LRMDA: variants seen among roughly 807,000 people sequenced by gnomAD.
LRMDA encodes leucine rich melanocyte differentiation associated.
LRMDA carries 18 observed loss-of-function variants against 29.8 expected under a neutral mutation model. The observed-to-expected ratio is 0.60, with a 90% CI of 0.42 to 0.90. LRMDA has a LOEUF of 0.90. Ranked by LOEUF, LRMDA falls within the 40% of genes least tolerant of loss-of-function variation. LRMDA has a pLI of 0.00. For synonymous variants in LRMDA, 125 were observed against 109.4 expected (o/e 1.14, Z -0.89); for missense variants, 273 against 273.9 (o/e 1.00, Z 0.02).
At chr10:75,618,793 T>G (rs1201916127) in intron 2 of LRMDA, among the ~76,000 whole-genome samples, 2 of 112,428 alleles carry the variant, frequency 1.8e-5, no homozygotes, top group Admixed American at 9.0e-5. Context: ...TTTTTTTTTT[T>G]GAGATGGAAT....
chr10:75,791,937 G>T (rs1209312944), intron 2 of LRMDA, among the ~76,000 whole-genome samples: 1 of 142,400 alleles, frequency 7.0e-6, no homozygotes, highest in Non-Finnish European at 1.5e-5. Context: ...TCGGCTCACT[G>T]CAAGCTCTGC....
At chr10:75,832,276 T>C (rs1844359087) in intron 2 of LRMDA, among the ~76,000 whole-genome samples, 1 of 152,136 alleles carries the variant, frequency 6.6e-6, no homozygotes, top group Admixed American at 6.5e-5. Flanking sequence ...CCCTAAATAA[T>C]CTCTCTCAAG....
intron 5 of LRMDA, among the ~76,000 whole-genome samples, chr10:76,279,223 C>T (rs1264716086): frequency 1.3e-5 from 2 of 152,130 alleles, no homozygotes; most frequent in Non-Finnish European, 2.9e-5. Flanking sequence ...AGCTGTATGA[C>T]CTTGGACAAG....
At chr10:76,098,365 C>A (rs1223764940) in intron 5 of LRMDA, among the ~76,000 whole-genome samples, 1 of 152,112 alleles carries the variant, frequency 6.6e-6, no homozygotes, top group East Asian at 1.9e-4. Context: ...AATACAATTT[C>A]TTTAATTGGC....
At chr10:75,507,859 C>T (rs940150464) in intron 2 of LRMDA, among the ~76,000 whole-genome samples, 5 of 152,070 alleles carry the variant, frequency 3.3e-5, no homozygotes, top group Admixed American at 2.6e-4. Flanking sequence ...CTTTAATTAG[C>T]GGTGAATTTC....
intron 5 of LRMDA, among the ~76,000 whole-genome samples, chr10:76,217,157 T>C (rs1851743122): frequency 6.6e-6 from 1 of 152,176 alleles, no homozygotes; most frequent in Admixed American, 6.5e-5. Context: ...TATGTGAATG[T>C]GTATGTATCG....
At chr10:76,451,783 G>A (rs370165193) in intron 6 of LRMDA, among the ~76,000 whole-genome samples, 6 of 151,324 alleles carry the variant, frequency 4.0e-5, no homozygotes, top group South Asian at 2.1e-4. Context: ...TCAGCCTCCC[G>A]AGTAGCTGGG....
intron 3 of LRMDA, among the ~76,000 whole-genome samples, chr10:76,039,124 G>A (rs1459051047): frequency 2.6e-5 from 4 of 152,208 alleles, no homozygotes; most frequent in Non-Finnish European, 5.9e-5. Context: ...TATATCATGT[G>A]TTAATGTCCC....
At chr10:75,560,421 AGGAGATTTTG>A (rs1277542991) in intron 2 of LRMDA, among the ~76,000 whole-genome samples, 5 of 149,770 alleles carry the variant, frequency 3.3e-5, no homozygotes, top group African/African-American at 1.2e-4. Flanking sequence ...TATCAGCTTA[AGGAGATTTTG>A]GGCTGAGACA....
chr10:75,539,065 G>A (rs774799966), intron 2 of LRMDA, among the ~76,000 whole-genome samples: 30 of 152,124 alleles, frequency 2.0e-4, no homozygotes, highest in African/African-American at 2.9e-4. Context: ...AATACATATC[G>A]TATGGTTTAA....
At chr10:75,970,102 G>T (rs978589127) in intron 2 of LRMDA, among the ~76,000 whole-genome samples, 5 of 152,186 alleles carry the variant, frequency 3.3e-5, no homozygotes. Context: ...CCAATAGGTA[G>T]CTCTCTGGAT....
At chr10:75,760,010 T>C (rs186192220) in intron 2 of LRMDA, among the ~76,000 whole-genome samples, 1 of 152,378 alleles carries the variant, frequency 6.6e-6, no homozygotes, top group African/African-American at 2.4e-5. Context: ...TCCATGTTTA[T>C]ATTTTTCAGT....
At chr10:76,417,241 A>G (rs1564535581) in intron 6 of LRMDA, among the ~76,000 whole-genome samples, 1 of 152,216 alleles carries the variant, frequency 6.6e-6, no homozygotes, top group Non-Finnish European at 1.5e-5. Flanking sequence ...ACAAGGCAAT[A>G]TGCTGAAATT....
chr10:75,919,606 A>C (rs1374767581), intron 2 of LRMDA, among the ~76,000 whole-genome samples: 7 of 152,092 alleles, frequency 4.6e-5, no homozygotes, highest in Non-Finnish European at 1.0e-4. Context: ...GATCCAAGGA[A>C]TCTCAGTTAG....
intron 5 of LRMDA, among the ~76,000 whole-genome samples, chr10:76,204,907 G>A (rs1054804072): frequency 6.6e-6 from 1 of 152,214 alleles, no homozygotes; most frequent in Non-Finnish European, 1.5e-5. Flanking sequence ...GAAAAATCAG[G>A]AGAATCCCTG....
chr10:75,972,554 T>G (rs1198749223), intron 2 of LRMDA, among the ~76,000 whole-genome samples: 1 of 152,200 alleles, frequency 6.6e-6, no homozygotes, highest in Non-Finnish European at 1.5e-5. Flanking sequence ...TTCTCTTTTT[T>G]TTTACTGTTA....
rs911260458 is a variant in LRMDA at position 75,618,531 on chromosome 10, T to A, written c.131+180037T>A. On this transcript the variant is annotated intron_variant, in intron 2 of 6. Coordinates refer to ENST00000611255, the MANE Select transcript of LRMDA (RefSeq NM_001305581.2). ...ATATATTATATATATATATATATATTTGACTCTTGAACAATGTGGGGGTCA... is the reference window on the plus strand; with the variant it reads ...ATATATTATATATATATATATATATATGACTCTTGAACAATGTGGGGGTCA... 8.5e-5 allele frequency among the ~76,000 whole-genome samples: 12 copies of A among 140,956 alleles called. No individual in the cohort carries two copies. The East Asian group carries it at 1.0e-3, about 12-fold the overall frequency. The allele number at this position is 140,956 out of a possible 152,430, so 92.5% of individuals were successfully genotyped here. A position where few individuals can be genotyped will look rare whatever the true frequency, so the allele number is the denominator to read the frequency against.
chr10:76,475,217 G>A (rs1159127649), intron 6 of LRMDA, among the ~76,000 whole-genome samples: 1 of 151,622 alleles, frequency 6.6e-6, no homozygotes, highest in Non-Finnish European at 1.5e-5. Context: ...GGTGGGCATG[G>A]GATTTCTTTT....
intron 2 of LRMDA, among the ~76,000 whole-genome samples, chr10:75,816,406 C>A (rs1477742707): frequency 6.6e-6 from 1 of 152,130 alleles, no homozygotes; most frequent in Non-Finnish European, 1.5e-5. Context: ...AGAAGACGAG[C>A]ATCCTGTGGG....
Sources: allele counts gnomAD v4.1 joint callset (sites outside exome capture counted in the v4.1 genomes callset), GRCh38; gene constraint gnomAD v4.1.1; transcripts MANE v1.5; gene names NCBI Gene and HGNC (gene_info 2026-07-23, HGNC 2026-07-21).